The following SRGAP2 variants were observed in gnomAD, a reference collection of about 807,000 sequenced individuals.
The protein encoded by SRGAP2 is SLIT-ROBO Rho GTPase activating protein 2.
A neutral mutation model predicts 57.2 loss-of-function variants in SRGAP2; 15 were observed. That is an observed-to-expected ratio of 0.26 (90% CI 0.18 to 0.40). SRGAP2 has a LOEUF of 0.40. Ranked by LOEUF, SRGAP2 falls within the 10% of genes least tolerant of loss-of-function variation. The pLI, the probability that SRGAP2 is intolerant of heterozygous loss-of-function variation, is 1.00. For synonymous variants in SRGAP2, 249 were observed against 248.0 expected (o/e 1.00, Z -0.04); for missense variants, 520 against 669.6 (o/e 0.78, Z 2.47).
chr1:206,291,674 A>C (rs2102719203), intron 2 of SRGAP2, among the ~76,000 whole-genome samples: 1 of 150,340 alleles, frequency 6.7e-6, no homozygotes, highest in South Asian at 2.1e-4. Flanking sequence ...TACTTGGCAC[A>C]TAATAAGCAC....
intron 2 of SRGAP2, among the ~76,000 whole-genome samples, chr1:206,301,133 G>A (rs1396765482): frequency 1.7e-4 from 26 of 152,266 alleles, no homozygotes; most frequent in African/African-American, 5.3e-4. Context: ...CCGGGTTCAC[G>A]CCATTCTCCC....
chr1:206,456,943 T>C (rs896582425), intron 21 of SRGAP2, among the ~76,000 whole-genome samples: 1 of 152,208 alleles, frequency 6.6e-6, no homozygotes, highest in Non-Finnish European at 1.5e-5. Flanking sequence ...ACTTAGCTCT[T>C]TGGGGAAGCC....
At chr1:206,243,276 G>GT (rs1668350889) in intron 2 of SRGAP2, among the ~76,000 whole-genome samples, 1 of 127,878 alleles carries the variant, frequency 7.8e-6, no homozygotes, top group Non-Finnish European at 1.6e-5. Context: ...ATTCTTCTAG[G>GT]TAGTGCCTGT....
intron 4 of SRGAP2, among the ~76,000 whole-genome samples, chr1:206,370,266 AAAAT>A (rs61162750): frequency 0.1 from 15,540 of 151,350 alleles, 1,761 homozygotes; most frequent in African/African-American, 0.29. Context: ...ACTCCATCTC[AAAAT>A]AAATAAATAA....
intron 4 of SRGAP2, among the ~76,000 whole-genome samples, chr1:206,359,646 T>C (rs1446890060): frequency 5.6e-5 from 6 of 107,332 alleles, no homozygotes; most frequent in African/African-American, 2.3e-4. Context: ...TGCTAGGCAC[T>C]GGAATATAGC....
chr1:206,208,706 T>C (rs1163385541), intron 2 of SRGAP2, among the ~76,000 whole-genome samples: 2 of 152,164 alleles, frequency 1.3e-5, no homozygotes, highest in African/African-American at 2.4e-5. Context: ...GTCAGAATTA[T>C]TATGAGTGTC....
chr1:206,422,960 A>G (rs945821774), intron 13 of SRGAP2, among the ~76,000 whole-genome samples: 5 of 152,240 alleles, frequency 3.3e-5, no homozygotes, highest in African/African-American at 1.2e-4. Context: ...TCAGGAAGAT[A>G]AAATAGATAG....
chr1:206,461,925 ACACAT>A lies in SRGAP2; in HGVS notation c.*506_*510del, dbSNP rs1292291459. The A allele has an allele frequency of 6.5e-6, 1 of 152,994 alleles. No homozygotes were observed. Among genetic ancestry groups the A allele is most frequent in the Admixed American group, 6.5e-5 (1 of 15,434 alleles). The allele number at this position is 152,994 out of a possible 1,614,324, so 9.5% of individuals were successfully genotyped here. A position where few individuals can be genotyped will look rare whatever the true frequency, so the allele number is the denominator to read the frequency against. On this transcript the variant is annotated 3_prime_UTR_variant, in exon 23 of 23. Transcript: ENST00000573034. ...TACACACACACACACACACACACAC[ACACAT>A]ATGTTTTTCTAGTCTCTGGCATGTG...
chr1:206,360,115 C>T (rs1288984643), intron 4 of SRGAP2, among the ~76,000 whole-genome samples: 2 of 152,012 alleles, frequency 1.3e-5, no homozygotes, highest in Non-Finnish European at 2.9e-5. Flanking sequence ...CGATATTGCT[C>T]TTTTATATAG....
chr1:206,277,141 T>A (rs1670462751), intron 2 of SRGAP2, among the ~76,000 whole-genome samples: 1 of 150,660 alleles, frequency 6.6e-6, no homozygotes, highest in Admixed American at 6.6e-5. Context: ...ATTTTTGTAT[T>A]TTTAGTAGAG....
At chr1:206,285,867 T>C (rs1670995686) in intron 2 of SRGAP2, among the ~76,000 whole-genome samples, 1 of 152,148 alleles carries the variant, frequency 6.6e-6, no homozygotes. Flanking sequence ...GGTTCTGCCA[T>C]GTTGGCCAGG....
intron 7 of SRGAP2, among the ~76,000 whole-genome samples, chr1:206,400,660 G>GC (rs1428559766): frequency 1.4e-4 from 1 of 7,354 alleles, no homozygotes; most frequent in Non-Finnish European, 3.2e-4. Context: ...CTGCGCCAGT[G>GC]CTTTTTTTAT....
At chr1:206,298,675 TC>T (rs1210122355) in intron 2 of SRGAP2, among the ~76,000 whole-genome samples, 1 of 152,236 alleles carries the variant, frequency 6.6e-6, no homozygotes, top group Non-Finnish European at 1.5e-5. Context: ...ACTCTGATTC[TC>T]AGGAACCTTT....
chr1:206,374,281 G>A lies in SRGAP2; in HGVS notation c.424-9733G>A, dbSNP rs560329889. 2.9e-3 allele frequency among the ~76,000 whole-genome samples: 446 copies of A among 151,248 alleles called. 16 individuals are homozygous for A. The highest frequency in any genetic ancestry group is 0.027 in the Admixed American group (416 of 15,254). ...TCCGCCCGCTTCGGCCTCCCAAAGTGCTGGGATTACAGGCGTGAGCCACCG... is the reference window on the plus strand; with the variant it reads ...TCCGCCCGCTTCGGCCTCCCAAAGTACTGGGATTACAGGCGTGAGCCACCG... On this transcript the variant is annotated intron_variant, in intron 4 of 22. Coordinates refer to ENST00000573034, the MANE Select transcript of SRGAP2 (RefSeq NM_015326.5).
chr1:206,453,899 T>G, intron 20 of SRGAP2: 1 of 485,860 alleles, frequency 2.1e-6, no homozygotes, highest in South Asian at 3.5e-5. Context: ...CGAGATGAGG[T>G]TGATATAGGG....
intron 3 of SRGAP2, among the ~76,000 whole-genome samples, chr1:206,327,388 A>G (rs1348720939): frequency 4.6e-5 from 7 of 150,724 alleles, no homozygotes; most frequent in Admixed American, 2.6e-4. Context: ...AATTTATGAA[A>G]CAAGTTTATT....
intron 2 of SRGAP2, among the ~76,000 whole-genome samples, chr1:206,278,916 C>CTG: frequency 6.7e-6 from 1 of 150,330 alleles, no homozygotes; most frequent in Admixed American, 6.6e-5. Flanking sequence ...GGCGGAAGTA[C>CTG]TAGGAGATGA....
At chr1:206,249,730 C>T (rs1379171258) in intron 2 of SRGAP2, among the ~76,000 whole-genome samples, 1 of 151,876 alleles carries the variant, frequency 6.6e-6, no homozygotes, top group Non-Finnish European at 1.5e-5. Context: ...TATCCCAGAA[C>T]TTAAAGTATA....
rs997163883 is a variant in SRGAP2, at chr1:206,449,703, G to A, written c.2100-683G>A. 5.3e-5 allele frequency among the ~76,000 whole-genome samples: 8 copies of A among 152,010 alleles called. No homozygotes were observed. In the East Asian group the frequency reaches 1.5e-3, roughly 29 times the overall value. On this transcript the variant is annotated intron_variant, in intron 18 of 22. Transcript: ENST00000573034. ...AGCAGATTATTCCTCCCCTACTTTTGTTTCCCACCCTCTCCTATGACTCAC... is the reference window on the plus strand; with the variant it reads ...AGCAGATTATTCCTCCCCTACTTTTATTTCCCACCCTCTCCTATGACTCAC...
Sources: allele counts gnomAD v4.1 joint callset (sites outside exome capture counted in the v4.1 genomes callset), GRCh38; gene constraint gnomAD v4.1.1; transcripts MANE v1.5; gene names NCBI Gene and HGNC (gene_info 2026-07-23, HGNC 2026-07-21).